LRRTM4: variants seen among roughly 807,000 people sequenced by gnomAD.
LRRTM4 encodes the protein leucine rich repeat transmembrane neuronal 4, also known as leucine-rich repeat transmembrane neuronal protein 4.
Under a neutral mutation model 47.6 loss-of-function variants are expected in LRRTM4, and 25 were observed. The ratio of observed to expected loss-of-function variants is 0.53; its 90% confidence interval spans 0.38 to 0.73. The LOEUF is 0.73. Ranked by LOEUF, LRRTM4 falls within the 30% of genes least tolerant of loss-of-function variation. LRRTM4 has a pLI of 0.00. For missense variants in LRRTM4, 638 were observed against 713.4 expected (o/e 0.89, Z 1.20); for synonymous variants, 311 against 269.5 (o/e 1.15, Z -1.51).
chr2:77,512,072 G>T (rs148846679), intron 3 of LRRTM4, among the ~76,000 whole-genome samples: 23 of 151,970 alleles, frequency 1.5e-4, no homozygotes, highest in African/African-American at 5.6e-4. Context: ...ATCTTCCTAC[G>T]TTAGCCTCAC....
Position 76,806,310 on chromosome 2 carries a change from G to A in LRRTM4, c.1552-57394C>T, listed in dbSNP as rs1046727157. Among the ~76,000 whole-genome samples the A allele has an allele frequency of 5.3e-5, 8 of 152,074 alleles. No homozygotes were observed. In the East Asian group the frequency reaches 5.8e-4, roughly 11 times the overall value. ...TATGAAAAATAAAACCGGCCCGTGCGGTGGCTCACACCTGTAATCTCAGCA... is the reference window on the plus strand; with the variant it reads ...TATGAAAAATAAAACCGGCCCGTGCAGTGGCTCACACCTGTAATCTCAGCA... On this transcript the variant is annotated intron_variant, in intron 3 of 3. Transcript: ENST00000409884.
At chr2:76,951,358 A>G (rs17405711) in intron 3 of LRRTM4, among the ~76,000 whole-genome samples, 20,009 of 151,950 alleles carry the variant, frequency 0.13, 1,682 homozygotes, top group Admixed American at 0.21. Context: ...TTTTCTAGGT[A>G]TCGGAGTCTA....
At chr2:77,356,881 C>T (rs947800805) in intron 3 of LRRTM4, among the ~76,000 whole-genome samples, 3 of 152,014 alleles carry the variant, frequency 2.0e-5, no homozygotes, top group Non-Finnish European at 4.4e-5. Context: ...GTTGTGAAGG[C>T]CTAATTAATT....
intron 3 of LRRTM4, among the ~76,000 whole-genome samples, chr2:77,370,548 TG>T (rs1312523854): frequency 6.6e-6 from 1 of 151,010 alleles, no homozygotes; most frequent in South Asian, 2.1e-4. Context: ...TGAGCAAAAA[TG>T]AAAAAAAAAT....
At chr2:76,809,014 C>G (rs1192689119) in intron 3 of LRRTM4, among the ~76,000 whole-genome samples, 1 of 152,102 alleles carries the variant, frequency 6.6e-6, no homozygotes, top group African/African-American at 2.4e-5. Flanking sequence ...TGGGTTTTCT[C>G]AACCATATTT....
intron 3 of LRRTM4, among the ~76,000 whole-genome samples, chr2:76,968,365 T>C (rs868852842): frequency 0.014 from 1,802 of 126,794 alleles, 44 homozygotes; most frequent in African/African-American, 0.047. Flanking sequence ...TATATATATA[T>C]ATATATATAT....
chr2:76,880,960 G>A (rs754023831), intron 3 of LRRTM4, among the ~76,000 whole-genome samples: 1 of 152,100 alleles, frequency 6.6e-6, no homozygotes, highest in African/African-American at 2.4e-5. Flanking sequence ...GGGAGTGGGG[G>A]ATAGGGAGAG....
chr2:77,015,934 T>C (rs915255034), intron 3 of LRRTM4, among the ~76,000 whole-genome samples: 3 of 151,860 alleles, frequency 2.0e-5, no homozygotes, highest in African/African-American at 7.3e-5. Flanking sequence ...CTGGCCAACA[T>C]AGCGAAACCC....
chr2:77,480,387 A>AT, intron 3 of LRRTM4, among the ~76,000 whole-genome samples: 1 of 152,208 alleles, frequency 6.6e-6, no homozygotes, highest in South Asian at 2.1e-4. Context: ...TTTTTATTCT[A>AT]TTTTTCCAAA....
chr2:76,758,451 A>G (rs1673141532), intron 3 of LRRTM4, among the ~76,000 whole-genome samples: 1 of 152,152 alleles, frequency 6.6e-6, no homozygotes, highest in African/African-American at 2.4e-5. Context: ...AATGATTACC[A>G]TGAGTCTAAT....
intron 3 of LRRTM4, among the ~76,000 whole-genome samples, chr2:77,496,256 T>G (rs1573493776): frequency 6.6e-6 from 1 of 152,052 alleles, no homozygotes; most frequent in East Asian, 1.9e-4. Flanking sequence ...AGTTACATTT[T>G]CCACATAGAT....
intron 3 of LRRTM4, among the ~76,000 whole-genome samples, chr2:77,042,867 C>G (rs1291387201): frequency 2.0e-5 from 3 of 151,684 alleles, no homozygotes; most frequent in African/African-American, 7.3e-5. Flanking sequence ...GACAAAGTCT[C>G]TGGAATGGGC....
At chr2:77,359,474 C>T (rs1374971413) in intron 3 of LRRTM4, among the ~76,000 whole-genome samples, 1 of 152,154 alleles carries the variant, frequency 6.6e-6, no homozygotes, top group Non-Finnish European at 1.5e-5. Context: ...GTTGCCCTAA[C>T]AATTTCCCTC....
At chr2:76,803,668 A>G (rs986595631) in intron 3 of LRRTM4, among the ~76,000 whole-genome samples, 2 of 152,144 alleles carry the variant, frequency 1.3e-5, no homozygotes, top group Non-Finnish European at 2.9e-5. Flanking sequence ...TTTGAAGAAA[A>G]GAGTTAACAT....
chr2:77,145,386 T>C (rs777485163), intron 3 of LRRTM4, among the ~76,000 whole-genome samples: 1 of 152,152 alleles, frequency 6.6e-6, no homozygotes, highest in Non-Finnish European at 1.5e-5. Flanking sequence ...TGATTATATA[T>C]GATCATTTTA....
chr2:76,873,381 TTATATAAA>T (rs1248382747), intron 3 of LRRTM4, among the ~76,000 whole-genome samples: 1 of 151,436 alleles, frequency 6.6e-6, no homozygotes, highest in Non-Finnish European at 1.5e-5. Flanking sequence ...TATACACACA[TTATATAAA>T]TATATAGTCT....
At chr2:76,893,266 C>T (rs1275108241) in intron 3 of LRRTM4, among the ~76,000 whole-genome samples, 3 of 151,440 alleles carry the variant, frequency 2.0e-5, no homozygotes, top group Non-Finnish European at 4.4e-5. Flanking sequence ...ACAAGACATA[C>T]AAGAAATTCT....
chr2:77,207,339 T>G (rs1222709434), intron 3 of LRRTM4, among the ~76,000 whole-genome samples: 1 of 102,306 alleles, frequency 9.8e-6, no homozygotes, highest in Non-Finnish European at 1.8e-5. Flanking sequence ...TTTCCTAATT[T>G]CATATATGTG....
intron 3 of LRRTM4, among the ~76,000 whole-genome samples, chr2:77,105,763 G>A (rs1006209601): frequency 6.6e-6 from 1 of 151,998 alleles, no homozygotes; most frequent in Non-Finnish European, 1.5e-5. Flanking sequence ...GGATTGAATG[G>A]GATCATAGAT....
Sources: gnomAD v4.1 joint callset for allele counts (sites outside exome capture counted in the v4.1 genomes callset) on GRCh38, gnomAD v4.1.1 for gene constraint, MANE v1.5 for transcripts, NCBI Gene and HGNC (gene_info 2026-07-23, HGNC 2026-07-21) for gene names.